GRID2: variants seen among roughly 807,000 people sequenced by gnomAD.
GRID2 encodes the protein glutamate receptor ionotropic, delta-2.
Under a neutral mutation model 114.8 loss-of-function variants are expected in GRID2, and 33 were observed. The observed-to-expected ratio is 0.29, with a 90% CI of 0.22 to 0.38. The LOEUF is 0.38. Ranked by LOEUF, GRID2 falls within the 10% of genes least tolerant of loss-of-function variation. GRID2 has a pLI of 1.00. For missense variants in GRID2, 1,184 were observed against 1,257.7 expected (o/e 0.94, Z 0.89); for synonymous variants, 505 against 449.9 (o/e 1.12, Z -1.55).
At chr4:93,669,209 A>G (rs903146213) in intron 14 of GRID2, among the ~76,000 whole-genome samples, 2 of 152,042 alleles carry the variant, frequency 1.3e-5, no homozygotes, top group African/African-American at 4.8e-5. Flanking sequence ...ATGTGGGGTC[A>G]TGTTTCTAAA....
intron 1 of GRID2, among the ~76,000 whole-genome samples, chr4:93,793,852 T>A (rs1353720176): frequency 6.6e-6 from 1 of 152,172 alleles, no homozygotes; most frequent in Admixed American, 6.5e-5. Context: ...CATCCAGTTT[T>A]CACATCTTAG....
intron 13 of GRID2, among the ~76,000 whole-genome samples, chr4:93,572,922 T>C (rs1736065643): frequency 6.6e-6 from 1 of 152,122 alleles, no homozygotes; most frequent in African/African-American, 2.4e-5. Context: ...TTTAAAGAAG[T>C]GTGAGTCCTA....
intron 1 of GRID2, among the ~76,000 whole-genome samples, chr4:92,511,018 A>C (rs1579492878): frequency 6.6e-6 from 1 of 152,004 alleles, no homozygotes; most frequent in South Asian, 2.1e-4. Flanking sequence ...GGCTTACCAT[A>C]AGATTTATTG....
At chr4:92,830,853 T>A (rs959842322) in intron 2 of GRID2, among the ~76,000 whole-genome samples, 1 of 152,190 alleles carries the variant, frequency 6.6e-6, no homozygotes, top group Non-Finnish European at 1.5e-5. Flanking sequence ...TATCTGGGTA[T>A]TGCAATAATT....
chr4:92,504,660 A>G (rs1167088181), intron 1 of GRID2, among the ~76,000 whole-genome samples: 6 of 152,044 alleles, frequency 3.9e-5, no homozygotes, highest in African/African-American at 1.4e-4. Flanking sequence ...TCTTCCTGAT[A>G]TGCTTAGGGA....
At chr4:93,350,937 T>C (rs1760737636) in intron 8 of GRID2, among the ~76,000 whole-genome samples, 1 of 152,004 alleles carries the variant, frequency 6.6e-6, no homozygotes, top group African/African-American at 2.4e-5. Flanking sequence ...GGACTCACAA[T>C]CATGGCAGAA....
intron 10 of GRID2, among the ~76,000 whole-genome samples, chr4:93,429,886 A>G (rs1453969856): frequency 2.0e-5 from 3 of 152,180 alleles, no homozygotes; most frequent in Non-Finnish European, 4.4e-5. Context: ...TCATGAGAGT[A>G]AAGAATGTTT....
At chr4:93,645,365 G>A (rs1416184176) in intron 14 of GRID2, among the ~76,000 whole-genome samples, 1 of 152,084 alleles carries the variant, frequency 6.6e-6, no homozygotes, top group East Asian at 1.9e-4. Flanking sequence ...ACCCATATAA[G>A]GAAATGTAGG....
chr4:93,334,897 T>C (rs2043414), intron 8 of GRID2, among the ~76,000 whole-genome samples: 101,861 of 151,114 alleles, frequency 0.67, 34,895 homozygotes, highest in African/African-American at 0.8. Flanking sequence ...CGCCATTGCA[T>C]TCCAGCCTGG....
intron 2 of GRID2, among the ~76,000 whole-genome samples, chr4:92,955,954 C>G (rs539321889): frequency 2.0e-5 from 3 of 152,232 alleles, no homozygotes; most frequent in South Asian, 4.1e-4. Flanking sequence ...CTCCTGACCT[C>G]GTGATCTGCC....
At chr4:93,101,446 A>G (rs1320649339) in intron 3 of GRID2, among the ~76,000 whole-genome samples, 2 of 152,034 alleles carry the variant, frequency 1.3e-5, no homozygotes, top group Non-Finnish European at 2.9e-5. Flanking sequence ...GCCCCTGGTC[A>G]TCACCAGTCT....
At chr4:92,324,653 T>C (rs1726498656) in intron 1 of GRID2, among the ~76,000 whole-genome samples, 1 of 151,744 alleles carries the variant, frequency 6.6e-6, no homozygotes, top group African/African-American at 2.4e-5. Context: ...TGTATCACTG[T>C]AGGAAGCCTT....
chr4:92,592,717 A>G (rs1179873037), intron 2 of GRID2, among the ~76,000 whole-genome samples: 1 of 152,106 alleles, frequency 6.6e-6, no homozygotes, highest in African/African-American at 2.4e-5. Flanking sequence ...GCTTTGGGTA[A>G]TAAACCTGAA....
intron 12 of GRID2, among the ~76,000 whole-genome samples, chr4:93,510,991 C>T (rs181258207): frequency 1.1e-4 from 16 of 152,158 alleles, no homozygotes; most frequent in Admixed American, 6.6e-4. Flanking sequence ...AACTGGAGTG[C>T]GGTGGCACAG....
chr4:92,633,208 A>T (rs183165172), intron 2 of GRID2, among the ~76,000 whole-genome samples: 1 of 152,246 alleles, frequency 6.6e-6, no homozygotes, highest in Admixed American at 6.5e-5. Flanking sequence ...TATTTTTCTG[A>T]TTTGATGTTT....
At chr4:92,481,886 C>T (rs1188968397) in intron 1 of GRID2, among the ~76,000 whole-genome samples, 2 of 149,844 alleles carry the variant, frequency 1.3e-5, no homozygotes, top group Non-Finnish European at 1.5e-5. Flanking sequence ...TGAAAAGACA[C>T]ATGCATTTGT....
intron 2 of GRID2, among the ~76,000 whole-genome samples, chr4:93,007,926 A>T (rs1483231839): frequency 6.6e-6 from 1 of 151,394 alleles, no homozygotes; most frequent in African/African-American, 2.4e-5. Flanking sequence ...CTATAATCCC[A>T]GCTACTCAGG....
intron 1 of GRID2, among the ~76,000 whole-genome samples, chr4:92,351,834 G>A (rs1297948273): frequency 6.6e-6 from 1 of 151,744 alleles, no homozygotes; most frequent in African/African-American, 2.4e-5. Flanking sequence ...CAGATGACAG[G>A]ATTTCCTCTT....
intron 13 of GRID2, among the ~76,000 whole-genome samples, chr4:93,537,596 T>G (rs146512712): frequency 0.016 from 2,424 of 151,860 alleles, 32 homozygotes; most frequent in Middle Eastern, 0.031. Flanking sequence ...TCCTGTGAGA[T>G]AAAATTGGCT....
Sources: gnomAD v4.1 joint callset for allele counts (sites outside exome capture counted in the v4.1 genomes callset) on GRCh38, gnomAD v4.1.1 for gene constraint, MANE v1.5 for transcripts, NCBI Gene and HGNC (gene_info 2026-07-23, HGNC 2026-07-21) for gene names.